The following GAS7 variants were observed in gnomAD, a reference collection of about 807,000 sequenced individuals.
The protein encoded by GAS7 is growth arrest specific 7, also known as growth arrest-specific protein 7.
GAS7 carries 28 observed loss-of-function variants against 71.1 expected under a neutral mutation model. The observed-to-expected ratio is 0.39, with a 90% CI of 0.29 to 0.54. The LOEUF (loss-of-function observed/expected upper bound fraction) is 0.54, where lower values mean the gene tolerates loss of function less well. Among genes scored for constraint, GAS7 ranks in the 20% least tolerant of loss-of-function variants. The probability of loss-of-function intolerance (pLI) is 0.62; values close to 1 mark genes in which losing one functional copy is unlikely to be tolerated. For synonymous variants in GAS7, 258 were observed against 245.8 expected, an observed-to-expected ratio of 1.05 and a Z score of -0.46; for missense variants, 436 against 627.8, an observed-to-expected ratio of 0.69 and a Z score of 3.27.
intron 2 of GAS7, among the ~76,000 whole-genome samples, chr17:9,982,824 GGAAA>G (rs56351503): frequency 0.26 from 29,813 of 115,944 alleles, 3,638 homozygotes; most frequent in Admixed American, 0.33. Context: ...AGGAAAGAAA[GGAAA>G]GAAAGAAAGA....
intron 1 of GAS7, among the ~76,000 whole-genome samples, chr17:10,126,365 T>TGCACACACAC (rs150697477): frequency 0.46 from 64,197 of 138,552 alleles, 14,657 homozygotes; most frequent in East Asian, 0.71. Flanking sequence ...CACACACTCT[T>TGCACACACAC]GCACACACAC....
At chr17:9,943,033 G>A in intron 7 of GAS7, 88 bp downstream of exon 7, 2 of 796,182 alleles carry the variant, frequency 2.5e-6, no homozygotes, top group East Asian at 2.4e-5. Context: ...GTGCAGTACT[G>A]AGTCCTGTGC....
At chr17:9,987,404 G>C (rs2070687721) in intron 2 of GAS7, among the ~76,000 whole-genome samples, 1 of 152,216 alleles carries the variant, frequency 6.6e-6, no homozygotes, top group Non-Finnish European at 1.5e-5. Context: ...ACCAGTCTAA[G>C]GGAGGTACTA....
intron 1 of GAS7, among the ~76,000 whole-genome samples, chr17:10,044,984 T>C (rs567390178): frequency 2.2e-5 from 3 of 138,608 alleles, no homozygotes; most frequent in East Asian, 4.1e-4. Flanking sequence ...ATCTTGGCAG[T>C]GAGCAGAGAT....
At chr17:10,053,263 G>A (rs1297932113) in intron 1 of GAS7, among the ~76,000 whole-genome samples, 2 of 152,144 alleles carry the variant, frequency 1.3e-5, no homozygotes, top group African/African-American at 2.4e-5. Context: ...CGCGAGCCTG[G>A]GGCCCTCCAA....
chr17:10,047,161 G>A (rs944689125), intron 1 of GAS7, among the ~76,000 whole-genome samples: 4 of 152,154 alleles, frequency 2.6e-5, no homozygotes, highest in African/African-American at 9.7e-5. Flanking sequence ...GTAGAACAAG[G>A]GGCGTGGGAG....
At chr17:10,073,767 AGTTTCAGTCGAGGCATCTCACCCT>A in intron 1 of GAS7, among the ~76,000 whole-genome samples, 1 of 152,332 alleles carries the variant, frequency 6.6e-6, no homozygotes, top group Middle Eastern at 3.4e-3. Flanking sequence ...ATTTCGAGAC[AGTTTCAGTCGAGGCATCTCACCCT>A]GACTTTTTTC....
chr17:10,052,891 T>A (rs949037494), intron 1 of GAS7, among the ~76,000 whole-genome samples: 6 of 152,174 alleles, frequency 3.9e-5, no homozygotes, highest in African/African-American at 1.4e-4. Flanking sequence ...TTGGGTGGCC[T>A]GAGATAAGCG....
Position 10,145,308 on chromosome 17 carries a change from G to A in GAS7, c.183+52900C>T, listed in dbSNP as rs986626736. On this transcript the variant is annotated intron_variant, in intron 1 of 13. Transcript: ENST00000432992. The stretch of plus-strand genomic sequence containing the variant: ...GTATATCAGAGAAGCACGGGGGAAA[G>A]TACACAGGAAGGAAAATGGAACTTC... Among the ~76,000 whole-genome samples the A allele has an allele frequency of 3.3e-5, 5 of 152,254 alleles. No individual in the cohort carries two copies. In the East Asian group the frequency reaches 5.8e-4, roughly 18 times the overall value.
intron 1 of GAS7, among the ~76,000 whole-genome samples, chr17:10,097,855 C>T (rs2073658321): frequency 6.6e-6 from 1 of 152,004 alleles, no homozygotes; most frequent in Non-Finnish European, 1.5e-5. Flanking sequence ...ACCAGCCTGG[C>T]CAACATAGCG....
At chr17:9,987,242 C>G (rs570646049) in intron 2 of GAS7, among the ~76,000 whole-genome samples, 20 of 152,272 alleles carry the variant, frequency 1.3e-4, no homozygotes, top group Admixed American at 7.2e-4. Context: ...AGGAACAGTG[C>G]GGTCAGAGTG....
At position 9,959,647 on chromosome 17, in the gene GAS7, C is replaced by T. The variant is rs1326413332; in HGVS notation, c.472-392G>A. 6.6e-6 allele frequency among the ~76,000 whole-genome samples: 1 copy of T among 152,212 alleles called. No individual in the cohort carries two copies. The highest frequency in any genetic ancestry group is 2.4e-5 in the African/African-American group (1 of 41,456). On this transcript the variant is annotated intron_variant, in intron 4 of 13. Transcript: ENST00000432992. The surrounding 1 kb of genome is among the most constrained non-coding windows in gnomAD (Gnocchi z 5.0). The stretch of plus-strand genomic sequence containing the variant: ...AGAAGAGAGTTAAGGCCACCACCTC[C>T]TGGCACTGAGGAATCAGCACACGAC...
chr17:10,101,167 A>G (rs2073694989), intron 1 of GAS7, among the ~76,000 whole-genome samples: 1 of 152,152 alleles, frequency 6.6e-6, no homozygotes, highest in South Asian at 2.1e-4. Context: ...GTATCCACGC[A>G]TGGTTTTCCC....
chr17:10,001,532 C>G (rs2071268998), intron 2 of GAS7, among the ~76,000 whole-genome samples: 1 of 152,136 alleles, frequency 6.6e-6, no homozygotes. Flanking sequence ...GCTGAGCGCT[C>G]CCCTGCAGCG....
chr17:10,183,770 A>G (rs1680025643), intron 1 of GAS7, among the ~76,000 whole-genome samples: 1 of 151,848 alleles, frequency 6.6e-6, no homozygotes, highest in South Asian at 2.1e-4. Context: ...TGAACCCAGG[A>G]GGCGGAGCTT....
chr17:10,014,912 T>C (rs1054135032), intron 2 of GAS7, among the ~76,000 whole-genome samples: 1 of 152,074 alleles, frequency 6.6e-6, no homozygotes, highest in Non-Finnish European at 1.5e-5. Flanking sequence ...CCCAGCACTT[T>C]GGGAGGCTGA....
chr17:10,088,473 C>T (rs1391572513), intron 1 of GAS7, among the ~76,000 whole-genome samples: 1 of 152,018 alleles, frequency 6.6e-6, no homozygotes, highest in East Asian at 1.9e-4. Flanking sequence ...GGGACTCGAG[C>T]ATCCCAACAT....
intron 2 of GAS7, among the ~76,000 whole-genome samples, chr17:10,013,887 C>T (rs1366200683): frequency 2.6e-5 from 4 of 152,272 alleles, no homozygotes; most frequent in Admixed American, 1.3e-4. Flanking sequence ...TGCAAGGCCC[C>T]GGGTGATCTT....
intron 1 of GAS7, among the ~76,000 whole-genome samples, chr17:10,172,536 A>G (rs12936206): frequency 0.38 from 58,408 of 152,118 alleles, 11,471 homozygotes; most frequent in East Asian, 0.61. Context: ...AGAAGAAGAA[A>G]AAAAAAGAAA....
Sources: allele counts gnomAD v4.1 joint callset (sites outside exome capture counted in the v4.1 genomes callset), GRCh38; gene constraint gnomAD v4.1.1; non-coding constraint Gnocchi (gnomAD v3.1); transcripts MANE v1.5; gene names NCBI Gene and HGNC (gene_info 2026-07-23, HGNC 2026-07-21).